Variants in ZMIZ2 observed in about 807,000 individuals in gnomAD.
The protein encoded by ZMIZ2 is zinc finger MIZ domain-containing protein 2.
In ZMIZ2, 26 loss-of-function variants were observed where a neutral mutation model predicts 93.9. That is an observed-to-expected ratio of 0.28 (90% CI 0.20 to 0.38). The LOEUF is 0.38. ZMIZ2 is among the 10% of genes least tolerant of loss of function. The pLI is 1.00. For missense variants in ZMIZ2, 1,023 were observed against 1,235.0 expected, an observed-to-expected ratio of 0.83 and a Z score of 2.57; for synonymous variants, 485 against 516.4, an observed-to-expected ratio of 0.94 and a Z score of 0.82.
chr7:44,761,249 C>T lies in ZMIZ2; in HGVS notation c.1241-200C>T, dbSNP rs933879300. On this transcript the variant is annotated intron_variant, in intron 9 of 18. Transcript: ENST00000309315. The surrounding 1 kb of genome is among the most constrained non-coding windows in gnomAD (Gnocchi z 5.8). ...CAAGACAGAACATCACGACCGAATG[C>T]CCAGGCCTCAGGAGAGATGCTGCCC... Among the ~76,000 whole-genome samples the T allele has an allele frequency of 6.6e-6, 1 of 152,256 alleles. No individual in the cohort carries two copies. Among genetic ancestry groups the T allele is most frequent in the African/African-American group, 2.4e-5 (1 of 41,468 alleles).
At chr7:44,764,221 C>G (rs1223738565) in intron 13 of ZMIZ2, among the ~76,000 whole-genome samples, 198 bp from the exon 14 acceptor site, 3 of 152,214 alleles carry the variant, frequency 2.0e-5, no homozygotes, top group South Asian at 4.1e-4. Flanking sequence ...ACATGGCATT[C>G]CAGTCTCAGT....
At chr7:44,756,326 C>T (rs769421819) in intron 2 of ZMIZ2, 27 bp downstream of exon 2, 15 of 1,613,980 alleles carry the variant, frequency 9.3e-6, no homozygotes, top group Non-Finnish European at 9.3e-6. Context: ...CTGCCCACCC[C>T]TCAGGCCCTG....
In ZMIZ2 at chr7:44,761,492, C is replaced by T. The variant is rs200802815; in HGVS notation, c.1284C>T (p.Arg428=). ...CDELRLTFPV[R]DGVVLEPFRL... is the part of the protein sequence containing the mutation. ...AGTTGCGGCTGACCTTCCCTGTGCG[C>T]GATGGGGTGGTCCTGGAGCCCTTCC... Residue 428 remains arginine (R), a synonymous_variant, in exon 10 of 19, where the codon CGC becomes CGT. Transcript: ENST00000309315. This position sits in a 1 kb window ranked among gnomAD's most constrained non-coding sequence, Gnocchi z 5.8. 38 of 1,613,880 alleles carry T rather than the reference C, an allele frequency of 2.4e-5. No homozygotes were observed. Among genetic ancestry groups the T allele is most frequent in the Non-Finnish European group, 3.1e-5 (37 of 1,180,038 alleles).
In ZMIZ2 at chr7:44,751,492, C is replaced by T. The variant is rs564675948; in HGVS notation, c.-63+2501C>T. Among the ~76,000 whole-genome samples the T allele has an allele frequency of 1.1e-4, 16 of 151,250 alleles. No homozygotes were observed. In the East Asian group the frequency reaches 2.3e-3, roughly 22 times the overall value. ...GCCTGCACTTTGAGGCCTTTGACCACGGGCGGGGGAGGGGGCACATCTGCT... is the reference window on the plus strand; with the variant it reads ...GCCTGCACTTTGAGGCCTTTGACCATGGGCGGGGGAGGGGGCACATCTGCT... On this transcript the variant is annotated intron_variant, in intron 1 of 18. Coordinates refer to ENST00000309315, the MANE Select transcript of ZMIZ2 (RefSeq NM_031449.4).
chr7:44,764,302 G>T (rs1170348071), intron 13 of ZMIZ2, 117 bp from the exon 14 acceptor site: 1 of 910,586 alleles, frequency 1.1e-6, no homozygotes. Context: ...GGTACATGCA[G>T]TATCTCAGTT....
In ZMIZ2 at chr7:44,766,389, CTG is replaced by C. The variant is rs1791711898; in HGVS notation, c.2413-30_2413-29del. 1 of 1,612,936 alleles carries C rather than the reference CTG, an allele frequency of 6.2e-7. No homozygotes were observed. Among genetic ancestry groups the C allele is most frequent in the Non-Finnish European group, 8.5e-7 (1 of 1,179,190 alleles). ...CTGTCTCCCCAGGGGAGCCCCTGAGCTGTTTTAACAAATTCTTCTCTCTGTCT... is the reference window on the plus strand; with the variant it reads ...CTGTCTCCCCAGGGGAGCCCCTGAGCTTTTAACAAATTCTTCTCTCTGTCT... On this transcript the variant is annotated intron_variant, in intron 17 of 18. Transcript: ENST00000309315. The surrounding 1 kb of genome is among the most constrained non-coding windows in gnomAD (Gnocchi z 4.4).
At position 44,757,511 on chromosome 7, in the gene ZMIZ2, G is replaced by A. The variant is rs780385022; in HGVS notation, c.502G>A (p.Val168Met). 8 of 1,609,576 alleles carry A rather than the reference G, an allele frequency of 5.0e-6. No homozygotes were observed. The highest frequency in any genetic ancestry group is 3.3e-5 in the South Asian group (3 of 91,002). Residue 168 changes from valine to methionine, a missense_variant, in exon 5 of 19, where the codon GTG becomes ATG. Val to Met is a conservative substitution (Grantham distance 21). Coordinates refer to ENST00000309315, the MANE Select transcript of ZMIZ2 (RefSeq NM_031449.4). Reference sequence around the variant, plus strand: ...TGCCACCGCCACAGCCACAGCCACCGTGGCTGCTCTCCAGGAGAAGCAGAG... The same window carrying A: ...TGCCACCGCCACAGCCACAGCCACCATGGCTGCTCTCCAGGAGAAGCAGAG... The part of the protein sequence containing the change: ...ATATATATAT[V>M]AALQEKQSQE...
In ZMIZ2 at chr7:44,765,528, G is replaced by A; in HGVS notation, c.2191G>A (p.Ala731Thr). ...AALGPGAAPF[A>T]PLQPPSVPAP... ...CCTGGGCCCCGGCGCTGCCCCCTTT[G>A]CCCCCCTGCAGCCCCCCTCAGTCCC... Residue 731 changes from alanine (A) to threonine (T), a missense_variant, in exon 16 of 19, where the codon GCC becomes ACC. Physicochemically the swap from Ala to Thr is moderately conservative, Grantham distance 58. Transcript: ENST00000309315. The surrounding 1 kb of genome is among the most constrained non-coding windows in gnomAD (Gnocchi z 4.1). 2 of 1,519,168 alleles carry A rather than the reference G, an allele frequency of 1.3e-6. No individual in the cohort carries two copies. Among genetic ancestry groups the A allele is most frequent in the Non-Finnish European group, 8.7e-7 (1 of 1,145,362 alleles). 94.1% of individuals were successfully genotyped at this position (1,519,168 alleles called of 1,614,324 possible). A position where few individuals can be genotyped will look rare whatever the true frequency, so the allele number is the denominator to read the frequency against.
rs1791415764 is a variant in ZMIZ2, at chr7:44,763,612, G to T, written c.1860+199G>T. ...GCTATTTTTTCTTCCAAATATAATTGTCATTTTACTAACTTTTTTACTGCC... is the reference window on the plus strand; with the variant it reads ...GCTATTTTTTCTTCCAAATATAATTTTCATTTTACTAACTTTTTTACTGCC... On this transcript the variant is annotated intron_variant, in intron 13 of 18. Transcript: ENST00000309315. This position sits in a 1 kb window ranked among gnomAD's most constrained non-coding sequence, Gnocchi z 5.6. 15 of 670,188 alleles carry T rather than the reference G, an allele frequency of 2.2e-5. No individual in the cohort carries two copies. Among genetic ancestry groups the T allele is most frequent in the Non-Finnish European group, 3.6e-5 (15 of 416,674 alleles). The allele number at this position is 670,188 out of a possible 1,614,324, so 41.5% of individuals were successfully genotyped here. A position where few individuals can be genotyped will look rare whatever the true frequency, so the allele number is the denominator to read the frequency against.
chr7:44,754,071 A>G (rs375249731), intron 1 of ZMIZ2, among the ~76,000 whole-genome samples: 3 of 152,170 alleles, frequency 2.0e-5, no homozygotes, highest in Non-Finnish European at 2.9e-5. Context: ...TTTGATTACC[A>G]TATCTATATT....
At position 44,764,981 on chromosome 7, in the gene ZMIZ2, A is replaced by C. The variant is rs781022643; in HGVS notation, c.1969A>C (p.Met657Leu). ...GGAGGGCCTGGAGGTGGACCAGTAC[A>C]TGCTGGGCATCCTGATTTACATTCA... ...LLEGLEVDQY[M>L]LGILIYIQNS... The change falls in exon 15 of 19, where the codon ATG (methionine) becomes CTG (leucine). Residue 657 changes from methionine (M) to leucine (L), a missense_variant. Met to Leu is a conservative substitution (Grantham distance 15, BLOSUM62 2). Transcript: ENST00000309315. The C allele has an allele frequency of 3.1e-6, 5 of 1,614,214 alleles. No homozygotes were observed. The highest frequency in any genetic ancestry group is 2.2e-5 in the South Asian group (2 of 91,088).
At position 44,765,939 on chromosome 7, in the gene ZMIZ2, C is replaced by T; in HGVS notation, c.2243-225C>T. ...CGTTTGTTTGTGGCTGCTCCCATTC[C>T]TATAACCTCCGAGACCTTCACTCCT... On this transcript the variant is annotated intron_variant, in intron 16 of 18. Transcript: ENST00000309315. This position sits in a 1 kb window ranked among gnomAD's most constrained non-coding sequence, Gnocchi z 4.1. 7.1e-7 allele frequency: 1 copy of T among 1,402,028 alleles called. No individual in the cohort carries two copies. Among genetic ancestry groups the T allele is most frequent in the African/African-American group, 1.4e-5 (1 of 69,086 alleles). 86.8% of individuals were successfully genotyped at this position (1,402,028 alleles called of 1,614,324 possible). A position where few individuals can be genotyped will look rare whatever the true frequency, so the allele number is the denominator to read the frequency against.
chr7:44,756,178 T>A lies in ZMIZ2; in HGVS notation c.-62-10T>A. The stretch of plus-strand genomic sequence containing the variant: ...ATCGCAGCTAACATCCCTTCCTTCC[T>A]GTCGGGCAGCCAGAGCAGCTGAGTT... On this transcript the variant is annotated splice_polypyrimidine_tract_variant and intron_variant, in intron 1 of 18. Transcript: ENST00000309315. 1 of 1,609,194 alleles carries A rather than the reference T, an allele frequency of 6.2e-7. No homozygotes were observed. Among genetic ancestry groups the A allele is most frequent in the Non-Finnish European group, 8.5e-7 (1 of 1,176,026 alleles).
chr7:44,764,841 C>T (rs1245053428), intron 14 of ZMIZ2, 100 bp from the exon 15 acceptor site: 2 of 1,281,062 alleles, frequency 1.6e-6, no homozygotes, highest in East Asian at 2.4e-5. Context: ...AGGATTGCCT[C>T]ATGCAGGGTC....
rs748944891 is a variant in ZMIZ2, at chr7:44,762,963, C to T, written c.1679C>T (p.Pro560Leu). The T allele has an allele frequency of 1.9e-6, 3 of 1,613,334 alleles. No individual in the cohort carries two copies. Among genetic ancestry groups the T allele is most frequent in the Non-Finnish European group, 2.5e-6 (3 of 1,179,522 alleles). ...GGCCTCCTCAAAAAGCGCCTCCTGCCTGCTGAGCACTGCATCACCAAGAGT... is the reference window on the plus strand; with the variant it reads ...GGCCTCCTCAAAAAGCGCCTCCTGCTTGCTGAGCACTGCATCACCAAGAGT... ...LQGLLKKRLL[P>L]AEHCITKIKR... The change falls in exon 12 of 19, where the codon CCT (proline) becomes CTT (leucine). Residue 560 changes from proline to leucine, a missense_variant. Physicochemically the swap from Pro to Leu is moderately conservative, Grantham distance 98 (BLOSUM62 -3). This residue lies in a region of ZMIZ2 where 656 missense variants were observed against 777.1 expected (regional missense o/e 0.84). Transcript: ENST00000309315.
rs201086773 is a variant in ZMIZ2, at chr7:44,765,408, A to T, written c.2071A>T (p.Ile691Phe). The part of the protein sequence containing the change: ...KPVPVKPDMH[I>F]KEEPDGPALK... ...AGTGCCCGTGAAGCCTGACATGCAC[A>T]TCAAGGAGGAGCCGGATGGGCCAGC... Residue 691 changes from isoleucine to phenylalanine, a missense_variant, in exon 16 of 19, where the codon ATC (isoleucine) becomes TTC (phenylalanine). By Grantham distance (21) the Ile-to-Phe change is conservative. Transcript: ENST00000309315. This position sits in a 1 kb window ranked among gnomAD's most constrained non-coding sequence, Gnocchi z 4.1. 42 of 1,612,492 alleles carry T rather than the reference A, an allele frequency of 2.6e-5. No individual in the cohort carries two copies. The highest frequency in any genetic ancestry group is 5.1e-6 in the Non-Finnish European group (6 of 1,179,986).
In ZMIZ2 at chr7:44,761,621, C is replaced by T; in HGVS notation, c.1385+28C>T. 2 of 1,613,470 alleles carry T rather than the reference C, an allele frequency of 1.2e-6. No individual in the cohort carries two copies. The highest frequency in any genetic ancestry group is 1.1e-5 in the South Asian group (1 of 91,042). Reference sequence around the variant, plus strand: ...GAGCTCCGCCTGGCCCCCACCTGACCCCCACGAGGCTCTGTTCCTCCTCCC... The same window carrying T: ...GAGCTCCGCCTGGCCCCCACCTGACTCCCACGAGGCTCTGTTCCTCCTCCC... On this transcript the variant is annotated intron_variant, in intron 10 of 18. Coordinates refer to ENST00000309315, the MANE Select transcript of ZMIZ2 (RefSeq NM_031449.4). The surrounding 1 kb of genome is among the most constrained non-coding windows in gnomAD (Gnocchi z 5.8).
At position 44,761,990 on chromosome 7, in the gene ZMIZ2, C is replaced by T. The variant is rs1338646643; in HGVS notation, c.1596+85C>T. On this transcript the variant is annotated intron_variant, in intron 11 of 18. Transcript: ENST00000309315. This position sits in a 1 kb window ranked among gnomAD's most constrained non-coding sequence, Gnocchi z 5.8. The stretch of plus-strand genomic sequence containing the variant: ...GGCCCAGCGGTGCCGTGGGGTGGGG[C>T]GGGGTGTGGGCGGGGCCTGGCCCAG... 14 of 94,390 alleles carry T rather than the reference C, an allele frequency of 1.5e-4. No homozygotes were observed. The highest frequency in any genetic ancestry group is 6.6e-4 in the African/African-American group (10 of 15,078). 5.8% of individuals were successfully genotyped at this position (94,390 alleles called of 1,614,324 possible). A position where few individuals can be genotyped will look rare whatever the true frequency, so the allele number is the denominator to read the frequency against.
In ZMIZ2 at chr7:44,764,401, C is replaced by T. The variant is rs1791491403; in HGVS notation, c.1861-18C>T. 4 of 1,613,384 alleles carry T rather than the reference C, an allele frequency of 2.5e-6. No individual in the cohort carries two copies. Among genetic ancestry groups the T allele is most frequent in the African/African-American group, 1.3e-5 (1 of 74,902 alleles). On this transcript the variant is annotated intron_variant, in intron 13 of 18. Transcript: ENST00000309315. The stretch of plus-strand genomic sequence containing the variant: ...CTACCCACAATGAGAAACTGACTTT[C>T]TTCCCATCTCTCTACAGTGCTTTGA...
Sources: allele counts gnomAD v4.1 joint callset (sites outside exome capture counted in the v4.1 genomes callset), GRCh38; gene constraint gnomAD v4.1.1; regional missense constraint gnomAD v4.1.1; non-coding constraint Gnocchi (gnomAD v3.1); transcripts MANE v1.5; gene names NCBI Gene and HGNC (gene_info 2026-07-23, HGNC 2026-07-21).